FER: variants seen among roughly 807,000 people sequenced by gnomAD.
The protein encoded by FER is tyrosine-protein kinase Fer.
A neutral mutation model predicts 111.0 loss-of-function variants in FER; 63 were observed. The observed-to-expected ratio is 0.57, with a 90% CI of 0.46 to 0.70. FER has a LOEUF of 0.70. FER is among the 30% of genes least tolerant of loss of function. The pLI is 0.00. For missense variants in FER, 914 were observed against 954.0 expected (o/e 0.96, Z 0.55); for synonymous variants, 327 against 313.9 (o/e 1.04, Z -0.44).
At chr5:109,064,665 C>T (rs1774863838) in intron 16 of FER, among the ~76,000 whole-genome samples, 1 of 152,126 alleles carries the variant, frequency 6.6e-6, no homozygotes, top group South Asian at 2.1e-4. Context: ...GGCATTTATA[C>T]CTATGAGTAA....
intron 17 of FER, among the ~76,000 whole-genome samples, chr5:109,106,906 G>A (rs1029495856): frequency 1.3e-5 from 2 of 152,156 alleles, no homozygotes; most frequent in African/African-American, 4.8e-5. Flanking sequence ...AAACAAAAAT[G>A]AGAGATTTGG....
intron 2 of FER, chr5:108,782,876 T>G (rs1754253545): frequency 6.6e-6 from 1 of 152,242 alleles, no homozygotes; most frequent in Non-Finnish European, 1.5e-5. Context: ...AAGGCTATTC[T>G]TCTTCTATTG....
chr5:109,006,084 G>A (rs1765460862), intron 13 of FER, among the ~76,000 whole-genome samples: 3 of 152,072 alleles, frequency 2.0e-5, no homozygotes, highest in Admixed American at 2.0e-4. Flanking sequence ...TATGCTTTTT[G>A]TAACAACCTG....
intron 13 of FER, chr5:109,014,780 C>A (rs185754470): frequency 6.6e-6 from 1 of 152,222 alleles, no homozygotes; most frequent in Non-Finnish European, 1.5e-5. Context: ...TGTAGTTCTC[C>A]TTGAAGAGGT....
chr5:108,994,719 A>T (rs1035969334), intron 13 of FER, among the ~76,000 whole-genome samples: 4 of 152,016 alleles, frequency 2.6e-5, no homozygotes, highest in African/African-American at 7.3e-5. Flanking sequence ...CTTTTTTATG[A>T]TACTGATTAT....
intron 2 of FER, among the ~76,000 whole-genome samples, chr5:108,794,526 A>AACCCCC (rs1755778227): frequency 9.4e-6 from 1 of 106,354 alleles, no homozygotes; most frequent in Non-Finnish European, 1.9e-5. Flanking sequence ...CCCCCTCCGC[A>AACCCCC]CCCCCCCCCC....
chr5:108,861,997 T>C (rs950540259), intron 5 of FER, among the ~76,000 whole-genome samples: 13 of 152,302 alleles, frequency 8.5e-5, no homozygotes, highest in African/African-American at 2.4e-4. Flanking sequence ...TGATTGATAA[T>C]GTGCATGCAT....
At chr5:108,973,339 G>A (rs1760923585) in intron 13 of FER, among the ~76,000 whole-genome samples, 1 of 152,090 alleles carries the variant, frequency 6.6e-6, no homozygotes, top group Admixed American at 6.6e-5. Context: ...TGTAGACTAA[G>A]TTTGCATGCT....
At chr5:109,147,780 CATAT>C (rs145167406) in intron 17 of FER, among the ~76,000 whole-genome samples, 314 of 140,128 alleles carry the variant, frequency 2.2e-3, no homozygotes, top group Middle Eastern at 7.2e-3. Flanking sequence ...CACACACATA[CATAT>C]ATATATATAT....
At chr5:108,963,251 G>A (rs905794309) in intron 13 of FER, among the ~76,000 whole-genome samples, 6 of 152,070 alleles carry the variant, frequency 3.9e-5, no homozygotes, top group Non-Finnish European at 5.9e-5. Context: ...CGAAGGTAAA[G>A]CAAAAACATT....
intron 16 of FER, among the ~76,000 whole-genome samples, chr5:109,073,082 G>A (rs1775950672): frequency 6.6e-6 from 1 of 152,082 alleles, no homozygotes; most frequent in South Asian, 2.1e-4. Context: ...AATTACATCT[G>A]CAGAAATCTT....
At chr5:108,781,419 T>TG (rs1356203539) in intron 2 of FER, among the ~76,000 whole-genome samples, 1 of 152,226 alleles carries the variant, frequency 6.6e-6, no homozygotes, top group Non-Finnish European at 1.5e-5. Flanking sequence ...CTTGAACTCC[T>TG]GACCTCAGGT....
At chr5:108,785,126 A>G (rs1025738159) in intron 2 of FER, 9 of 534,364 alleles carry the variant, frequency 1.7e-5, no homozygotes, top group Non-Finnish European at 2.7e-5. Flanking sequence ...CAAGCTGGTC[A>G]AGGTATGGAA....
intron 13 of FER, among the ~76,000 whole-genome samples, chr5:109,024,727 C>G (rs1376276638): frequency 6.6e-6 from 1 of 152,122 alleles, no homozygotes; most frequent in Admixed American, 6.5e-5. Flanking sequence ...ATTTTGCTTT[C>G]ATTTTGATGA....
intron 1 of FER, among the ~76,000 whole-genome samples, chr5:108,761,918 ATTATTT>A (rs1007652548): frequency 2.6e-5 from 4 of 151,660 alleles, no homozygotes; most frequent in African/African-American, 9.7e-5. Context: ...TATTATTATT[ATTATTT>A]TTTTAAGATG....
At chr5:109,114,032 T>C (rs1367609157) in intron 17 of FER, among the ~76,000 whole-genome samples, 1 of 152,084 alleles carries the variant, frequency 6.6e-6, no homozygotes, top group African/African-American at 2.4e-5. Context: ...TAAGTAAATG[T>C]GATAATGATG....
rs1033784315 is a variant in FER at position 109,087,646 on chromosome 5, A to G, written c.1925-12750A>G. 1.5e-3 allele frequency among the ~76,000 whole-genome samples: 5 copies of G among 3,322 alleles called. No individual in the cohort carries two copies. The African/African-American group carries it at 0.018, about 12-fold the overall frequency. 2.2% of individuals were successfully genotyped at this position (3,322 alleles called of 152,430 possible). Reference sequence around the variant, plus strand: ...TAATGGGGTTGTCATTGTAATCCTCATTGGAAAAAAAGTTTCCAATCCTCG... The same window carrying G: ...TAATGGGGTTGTCATTGTAATCCTCGTTGGAAAAAAAGTTTCCAATCCTCG... On this transcript the variant is annotated intron_variant, in intron 16 of 19. Transcript: ENST00000281092.
intron 18 of FER, among the ~76,000 whole-genome samples, chr5:109,185,168 G>C (rs533974951): frequency 6.6e-6 from 1 of 152,090 alleles, no homozygotes; most frequent in African/African-American, 2.4e-5. Context: ...CCTTGTGCTG[G>C]TTTGTATCTT....
chr5:108,831,002 A>T (rs939658141), intron 3 of FER, among the ~76,000 whole-genome samples: 4 of 152,156 alleles, frequency 2.6e-5, no homozygotes, highest in African/African-American at 7.2e-5. Flanking sequence ...TATGGGGTTG[A>T]CAGAGTGGCA....
Sources: allele counts gnomAD v4.1 joint callset (sites outside exome capture counted in the v4.1 genomes callset), GRCh38; gene constraint gnomAD v4.1.1; transcripts MANE v1.5; gene names NCBI Gene and HGNC (gene_info 2026-07-23, HGNC 2026-07-21).